SLC35D4: variants seen among roughly 807,000 people sequenced by gnomAD.
SLC35D4 encodes UDP-N-acetylglucosamine transporter SLC35D4.
At chr18:23,360,620 G>A in the SLC35D4 span, among the ~76,000 whole-genome samples, 2 of 152,194 alleles carry the variant, frequency 1.3e-5, no homozygotes, top group African/African-American at 4.8e-5. Context: ...GGTGTGGAGA[G>A]GGAGTGACTA....
At chr18:23,393,267 C>T in the SLC35D4 span, among the ~76,000 whole-genome samples, 1 of 151,826 alleles carries the variant, frequency 6.6e-6, no homozygotes, top group Non-Finnish European at 1.5e-5. Context: ...AAAGTTGCCA[C>T]CTTAACCATT....
the SLC35D4 span, among the ~76,000 whole-genome samples, chr18:23,324,573 C>A: frequency 6.6e-6 from 1 of 152,216 alleles, no homozygotes; most frequent in Non-Finnish European, 1.5e-5. Context: ...AAGGCGAGAT[C>A]TGCCCTCGCA....
the SLC35D4 span, among the ~76,000 whole-genome samples, chr18:23,302,365 G>A: frequency 1.3e-5 from 2 of 152,188 alleles, no homozygotes; most frequent in Non-Finnish European, 2.9e-5. Context: ...ACTGGGGTGG[G>A]ACTTTTGGCA....
At chr18:23,318,500 A>G in the SLC35D4 span, among the ~76,000 whole-genome samples, 2 of 152,210 alleles carry the variant, frequency 1.3e-5, no homozygotes, top group African/African-American at 4.8e-5. Context: ...ATAGCAAGGA[A>G]TTCTAAGTCA....
chr18:23,330,352 C>T, the SLC35D4 span, among the ~76,000 whole-genome samples: 2 of 152,040 alleles, frequency 1.3e-5, no homozygotes, highest in South Asian at 4.2e-4. Context: ...TTTTCATTTA[C>T]TTTCTACATG....
the SLC35D4 span, among the ~76,000 whole-genome samples, chr18:23,411,479 G>GAGAAAGAA: frequency 1.4e-5 from 1 of 72,778 alleles, no homozygotes; most frequent in Non-Finnish European, 2.9e-5. Flanking sequence ...AAGAAAGAAA[G>GAGAAAGAA]AGATAGAAAG....
chr18:23,400,234 G>A, the SLC35D4 span, among the ~76,000 whole-genome samples: 13 of 152,274 alleles, frequency 8.5e-5, no homozygotes, highest in African/African-American at 1.7e-4. Flanking sequence ...GCCACACCAC[G>A]AACTGCTTTT....
At chr18:23,377,928 C>T in the SLC35D4 span, among the ~76,000 whole-genome samples, 4 of 152,030 alleles carry the variant, frequency 2.6e-5, no homozygotes, top group Non-Finnish European at 5.9e-5. Flanking sequence ...GATAAAATGA[C>T]GCTGGGGCTG....
the SLC35D4 span, among the ~76,000 whole-genome samples, chr18:23,375,776 T>A: frequency 1.3e-5 from 2 of 152,292 alleles, no homozygotes; most frequent in Non-Finnish European, 2.9e-5. Context: ...AAGCAATTTT[T>A]AAAAATTCTT....
At chr18:23,293,959 A>T in the SLC35D4 span, among the ~76,000 whole-genome samples, 4 of 151,846 alleles carry the variant, frequency 2.6e-5, no homozygotes, top group East Asian at 5.8e-4. Flanking sequence ...TGCCTGGCTA[A>T]TTTTTATTTT....
chr18:23,436,937 G>A, the SLC35D4 span, among the ~76,000 whole-genome samples: 1 of 152,218 alleles, frequency 6.6e-6, no homozygotes, highest in South Asian at 2.1e-4. Context: ...AGGAAGAGAG[G>A]AGAAAGGAAG....
At chr18:23,432,955 T>C in the SLC35D4 span, among the ~76,000 whole-genome samples, 2 of 137,508 alleles carry the variant, frequency 1.5e-5, no homozygotes, top group Non-Finnish European at 3.0e-5. Flanking sequence ...ACTCCAGCCT[T>C]GGCAACAGAG....
the SLC35D4 span, among the ~76,000 whole-genome samples, chr18:23,374,778 C>A: frequency 6.6e-6 from 1 of 152,060 alleles, no homozygotes; most frequent in Admixed American, 6.6e-5. Flanking sequence ...AGCCAATACA[C>A]CTGGCTTAGA....
the SLC35D4 span, among the ~76,000 whole-genome samples, chr18:23,304,167 C>T: frequency 6.7e-6 from 1 of 149,070 alleles, no homozygotes; most frequent in Non-Finnish European, 1.5e-5. Context: ...GTCCCAGCTA[C>T]TTGGCAGGCT....
At chr18:23,299,535 A>G in the SLC35D4 span, among the ~76,000 whole-genome samples, 1 of 152,226 alleles carries the variant, frequency 6.6e-6, no homozygotes, top group Admixed American at 6.5e-5. Flanking sequence ...GGACTGACTG[A>G]GACATGTTCC....
At chr18:23,412,268 G>C in the SLC35D4 span, among the ~76,000 whole-genome samples, 1 of 152,176 alleles carries the variant, frequency 6.6e-6, no homozygotes, top group Non-Finnish European at 1.5e-5. Context: ...GCAGAGCCAA[G>C]ATCATGCCAC....
chr18:23,263,442 C>T, the SLC35D4 span, among the ~76,000 whole-genome samples: 16 of 152,348 alleles, frequency 1.1e-4, 1 homozygote, highest in East Asian at 2.3e-3. Flanking sequence ...GTGGGGCCCA[C>T]GTCTGAGCCC....
the SLC35D4 span, among the ~76,000 whole-genome samples, chr18:23,264,336 G>A: frequency 6.7e-6 from 1 of 148,316 alleles, no homozygotes; most frequent in Non-Finnish European, 1.5e-5. Flanking sequence ...GGGGTGGGAA[G>A]GTGCCACACT....
the SLC35D4 span, among the ~76,000 whole-genome samples, chr18:23,329,044 CA>C: frequency 2.6e-5 from 4 of 152,120 alleles, no homozygotes; most frequent in African/African-American, 9.7e-5. Flanking sequence ...ACACCTTATA[CA>C]AAAATTAATT....
Sources: allele counts gnomAD v4.1 joint callset (sites outside exome capture counted in the v4.1 genomes callset), GRCh38; gene constraint gnomAD v4.1.1; transcripts MANE v1.5; gene names NCBI Gene and HGNC (gene_info 2026-07-23, HGNC 2026-07-21).